The following CNTN4 variants were observed in gnomAD, a reference collection of about 807,000 sequenced individuals.
CNTN4 encodes contactin-4.
CNTN4 carries 77 observed loss-of-function variants against 122.5 expected under a neutral mutation model. The ratio of observed to expected loss-of-function variants is 0.63; its 90% CI spans 0.52 to 0.76. The LOEUF is 0.76. Ranked by LOEUF, CNTN4 falls within the 30% of genes least tolerant of loss-of-function variation. The probability of loss-of-function intolerance (pLI) is 0.00; values close to 1 mark genes in which losing one functional copy is unlikely to be tolerated. For missense variants in CNTN4, 1,256 were observed against 1,259.1 expected (o/e 1.00, Z 0.04); for synonymous variants, 512 against 447.0 (o/e 1.15, Z -1.83).
chr3:2,263,802 C>G (rs1337297072), intron 2 of CNTN4, among the ~76,000 whole-genome samples: 1 of 138,056 alleles, frequency 7.2e-6, no homozygotes, highest in African/African-American at 2.5e-5. Flanking sequence ...TTCCAAGCCT[C>G]TGGTAACCAT....
intron 2 of CNTN4, among the ~76,000 whole-genome samples, chr3:2,119,542 A>G (rs1175742859): frequency 6.6e-6 from 1 of 152,206 alleles, no homozygotes; most frequent in Non-Finnish European, 1.5e-5. Context: ...GCATTGGGCA[A>G]TTTCATAGAT....
rs1183468976 is a variant in CNTN4 at position 2,680,141 on chromosome 3, AG to A, written c.56-56073del. Among the ~76,000 whole-genome samples, 3 of 152,346 alleles carry A rather than the reference AG, an allele frequency of 2.0e-5. No individual in the cohort carries two copies. The East Asian group carries it at 5.8e-4, about 29-fold the overall frequency. On this transcript the variant is annotated intron_variant, in intron 4 of 24. Transcript: ENST00000418658. Reference sequence around the variant, plus strand: ...TCAGCAATTTATAATACAATACAAAAGAAACTCATCCAACTAAATATAATAT... The same window carrying A: ...TCAGCAATTTATAATACAATACAAAAAAACTCATCCAACTAAATATAATAT...
At chr3:2,277,443 A>G (rs1362326193) in intron 2 of CNTN4, among the ~76,000 whole-genome samples, 1 of 152,192 alleles carries the variant, frequency 6.6e-6, no homozygotes, top group East Asian at 1.9e-4. Flanking sequence ...AGCTTACTGA[A>G]AAATACAAAA....
At chr3:3,021,830 A>G (rs1306205930) in intron 14 of CNTN4, among the ~76,000 whole-genome samples, 2 of 152,220 alleles carry the variant, frequency 1.3e-5, no homozygotes, top group Non-Finnish European at 2.9e-5. Flanking sequence ...CTGTAATCCC[A>G]GCACTTTGGG....
intron 7 of CNTN4, among the ~76,000 whole-genome samples, chr3:2,829,675 T>C (rs2093061620): frequency 6.6e-6 from 1 of 152,236 alleles, no homozygotes; most frequent in Non-Finnish European, 1.5e-5. Flanking sequence ...CTTGAATGTT[T>C]CATGACTATA....
intron 2 of CNTN4, among the ~76,000 whole-genome samples, chr3:2,114,605 C>T (rs531044354): frequency 3.3e-5 from 5 of 152,292 alleles, no homozygotes; most frequent in Admixed American, 1.3e-4. Flanking sequence ...CCTTCATTTA[C>T]ACAGTTTCAT....
chr3:2,582,676 G>C (rs879339620), intron 4 of CNTN4, among the ~76,000 whole-genome samples: 2 of 152,194 alleles, frequency 1.3e-5, no homozygotes, highest in Non-Finnish European at 2.9e-5. Context: ...GGGCAAAGGA[G>C]GGCAGCCTCT....
At chr3:2,881,018 C>T (rs969644915) in intron 8 of CNTN4, among the ~76,000 whole-genome samples, 1 of 152,100 alleles carries the variant, frequency 6.6e-6, no homozygotes, top group Non-Finnish European at 1.5e-5. Flanking sequence ...CTTCCAAATC[C>T]AACACTCCTC....
chr3:2,533,083 T>C (rs2149245920), intron 3 of CNTN4, among the ~76,000 whole-genome samples: 1 of 152,224 alleles, frequency 6.6e-6, no homozygotes, highest in African/African-American at 2.4e-5. Flanking sequence ...TTAACCTCTC[T>C]GGACTTTGGC....
intron 2 of CNTN4, among the ~76,000 whole-genome samples, chr3:2,336,232 G>A (rs1028988289): frequency 1.3e-5 from 2 of 151,672 alleles, no homozygotes; most frequent in African/African-American, 2.4e-5. Context: ...TTGGGGGGGG[G>A]AGGTGGCAGA....
intron 4 of CNTN4, among the ~76,000 whole-genome samples, chr3:2,651,561 T>G (rs932760973): frequency 6.6e-6 from 1 of 151,968 alleles, no homozygotes; most frequent in African/African-American, 2.4e-5. Context: ...ATTATCAAAA[T>G]TACCAAGGGC....
At chr3:2,782,515 GTT>G (rs4056953) in intron 6 of CNTN4, among the ~76,000 whole-genome samples, 4 of 133,934 alleles carry the variant, frequency 3.0e-5, no homozygotes, top group Non-Finnish European at 6.5e-5. Context: ...GTGTGTGTGT[GTT>G]TTAATGGGAA....
rs1027223470 is a variant in CNTN4 at position 2,480,526 on chromosome 3, G to A, written c.-88-90890G>A. On this transcript the variant is annotated intron_variant, in intron 3 of 24. Coordinates refer to ENST00000418658, the MANE Select transcript of CNTN4 (RefSeq NM_175607.3). ...AACATAATACCATTTATGTTAGCAC[G>A]CCAAAAATGATATACTTTGATATAA... Among the ~76,000 whole-genome samples, 6 of 152,102 alleles carry A rather than the reference G, an allele frequency of 3.9e-5. No individual in the cohort carries two copies. The South Asian group carries it at 8.3e-4, about 21-fold the overall frequency.
chr3:2,239,920 A>T (rs1264646904), intron 2 of CNTN4, among the ~76,000 whole-genome samples: 1 of 152,232 alleles, frequency 6.6e-6, no homozygotes, highest in Non-Finnish European at 1.5e-5. Context: ...AAAATCATTC[A>T]TTTAGAAAGA....
At chr3:2,946,707 T>TC (rs1384506727) in intron 13 of CNTN4, among the ~76,000 whole-genome samples, 2 of 147,724 alleles carry the variant, frequency 1.4e-5, no homozygotes, top group Non-Finnish European at 1.5e-5. Flanking sequence ...TTTTTTTCTT[T>TC]TTTTTTTTTT....
chr3:2,184,921 G>C (rs180863410), intron 2 of CNTN4, among the ~76,000 whole-genome samples: 3 of 152,308 alleles, frequency 2.0e-5, no homozygotes, highest in Non-Finnish European at 4.4e-5. Context: ...CAAAAATTCA[G>C]GTCCTCAAAA....
At position 2,789,705 on chromosome 3, in the gene CNTN4, G is replaced by A. The variant is rs145943783; in HGVS notation, c.359-29781G>A. On this transcript the variant is annotated intron_variant, in intron 6 of 24. Coordinates refer to ENST00000418658, the MANE Select transcript of CNTN4 (RefSeq NM_175607.3). ...CTTGGCCTCCCAAAGTGCTATGATG[G>A]CAGGCGTGAGCCATTGTGCCTGGCC... 5.8e-3 allele frequency among the ~76,000 whole-genome samples: 890 copies of A among 152,296 alleles called. 13 individuals are homozygous for A. Among genetic ancestry groups the A allele is most frequent in the South Asian group, 0.015 (73 of 4,828 alleles).
At chr3:2,844,732 A>G (rs559127044) in intron 7 of CNTN4, among the ~76,000 whole-genome samples, 3 of 152,368 alleles carry the variant, frequency 2.0e-5, no homozygotes, top group Admixed American at 6.5e-5. Flanking sequence ...AGTTAAAATT[A>G]TATGGTCTAA....
intron 19 of CNTN4, chr3:3,039,420 T>C (rs561845574): frequency 1.1e-5 from 2 of 175,786 alleles, no homozygotes; most frequent in Admixed American, 5.5e-5. Context: ...TTTTAGGAGG[T>C]ATTTTTTAAA....
Sources: allele counts gnomAD v4.1 joint callset (sites outside exome capture counted in the v4.1 genomes callset), GRCh38; gene constraint gnomAD v4.1.1; transcripts MANE v1.5; gene names NCBI Gene and HGNC (gene_info 2026-07-23, HGNC 2026-07-21).